Variants in CTNNA3 observed in about 807,000 individuals in gnomAD.
CTNNA3 encodes catenin alpha-3.
A neutral mutation model predicts 95.7 loss-of-function variants in CTNNA3; 76 were observed. The observed-to-expected ratio is 0.79, with a 90% CI of 0.66 to 0.96. The LOEUF (loss-of-function observed/expected upper bound fraction) is 0.96, where lower values mean the gene tolerates loss of function less well. CTNNA3 is among the 40% of genes least tolerant of loss of function. CTNNA3 has a pLI of 0.00. For missense variants in CTNNA3, 1,191 were observed against 1,089.8 expected (o/e 1.09, Z -1.31); for synonymous variants, 431 against 374.4 (o/e 1.15, Z -1.74).
chr10:66,520,778 A>G lies in CTNNA3; in HGVS notation c.1375-5T>C, dbSNP rs1841037357. The G allele has an allele frequency of 6.2e-7, 1 of 1,611,028 alleles. No homozygotes were observed. Among genetic ancestry groups the G allele is most frequent in the Non-Finnish European group, 8.5e-7 (1 of 1,178,612 alleles). On this transcript the variant is annotated splice_polypyrimidine_tract_variant and splice_region_variant and intron_variant, in intron 10 of 17. Coordinates refer to ENST00000433211, the MANE Select transcript of CTNNA3 (RefSeq NM_013266.4). Reference sequence around the variant, plus strand: ...AGCAAGTGCAGCATTAATAATCTATAAAGATAAGGATTGAAAAAATTACCT... The same window carrying G: ...AGCAAGTGCAGCATTAATAATCTATGAAGATAAGGATTGAAAAAATTACCT...
At chr10:66,606,379 G>T (rs1844122285) in intron 10 of CTNNA3, among the ~76,000 whole-genome samples, 1 of 152,154 alleles carries the variant, frequency 6.6e-6, no homozygotes, top group South Asian at 2.1e-4. Context: ...AATTAACAAA[G>T]ATTTTCAGGA....
upstream of CTNNA3, among the ~76,000 whole-genome samples, chr10:67,697,858 G>A (rs1342073998): frequency 1.3e-5 from 2 of 152,038 alleles, no homozygotes; most frequent in South Asian, 2.1e-4. Context: ...TTCAAATCAC[G>A]TTGGATTTGT....
chr10:66,584,398 T>C (rs2132208482), intron 10 of CTNNA3, among the ~76,000 whole-genome samples: 1 of 152,070 alleles, frequency 6.6e-6, no homozygotes, highest in East Asian at 1.9e-4. Flanking sequence ...ATGTTATATC[T>C]TCTTGTTGAA....
chr10:67,124,091 C>T (rs1859595014), intron 7 of CTNNA3, among the ~76,000 whole-genome samples: 1 of 152,096 alleles, frequency 6.6e-6, no homozygotes, highest in Middle Eastern at 3.2e-3. Context: ...ATCTGTGTTT[C>T]TACATAAAGG....
At chr10:67,750,698 T>C (rs1243470958) in intron 1 of CTNNA3, 2 of 1,563,124 alleles carry the variant, frequency 1.3e-6, no homozygotes, top group East Asian at 2.2e-5. Context: ...GCAATGTTCT[T>C]GGATGCCTGG....
intron 7 of CTNNA3, among the ~76,000 whole-genome samples, chr10:66,996,649 C>CAAAAAAAAAAAAAAAAAAAAAAAAAAA (rs57025097): frequency 1.5e-5 from 1 of 67,638 alleles, no homozygotes; most frequent in Non-Finnish European, 2.5e-5. Context: ...TCCGTCTCTA[C>CAAAAAAAAAAAAAAAAAAAAAAAAAAA]AAAAAAAAAA....
At chr10:66,634,061 C>G (rs185352145) in intron 9 of CTNNA3, among the ~76,000 whole-genome samples, 23 of 152,148 alleles carry the variant, frequency 1.5e-4, no homozygotes. Flanking sequence ...CCCAAAATGG[C>G]AATTGTGATG....
chr10:67,426,480 TA>T (rs1298932955), intron 5 of CTNNA3, among the ~76,000 whole-genome samples: 3 of 151,986 alleles, frequency 2.0e-5, no homozygotes, highest in African/African-American at 7.2e-5. Context: ...AGAAAGTTGG[TA>T]AAGGATGAGT....
At chr10:66,561,400 A>C (rs1376018465) in intron 10 of CTNNA3, among the ~76,000 whole-genome samples, 2 of 152,154 alleles carry the variant, frequency 1.3e-5, no homozygotes, top group African/African-American at 2.4e-5. Context: ...AGTACCTTAC[A>C]TATATTGTCT....
chr10:67,043,708 C>T (rs1365552990), intron 7 of CTNNA3, among the ~76,000 whole-genome samples: 6 of 152,084 alleles, frequency 3.9e-5, no homozygotes, highest in Admixed American at 3.9e-4. Flanking sequence ...AAGGAATCAT[C>T]CATCTTTATA....
chr10:67,742,288 T>C, intron 1 of CTNNA3, among the ~76,000 whole-genome samples: 1 of 150,792 alleles, frequency 6.6e-6, no homozygotes. Context: ...GAACAGAAAT[T>C]ATAACAAACT....
At chr10:66,912,236 G>A (rs1846253884) in intron 7 of CTNNA3, among the ~76,000 whole-genome samples, 1 of 151,924 alleles carries the variant, frequency 6.6e-6, no homozygotes, top group Non-Finnish European at 1.5e-5. Context: ...ACCACCACCA[G>A]AACCATACAC....
chr10:67,750,711 G>A (rs10997794), intron 1 of CTNNA3: 25 of 1,570,876 alleles, frequency 1.6e-5, no homozygotes, highest in Middle Eastern at 1.7e-4. Context: ...ATGCCTGGGA[G>A]GCCATGGAGG....
At chr10:67,465,411 C>T (rs776538179) in intron 5 of CTNNA3, among the ~76,000 whole-genome samples, 4 of 151,224 alleles carry the variant, frequency 2.6e-5, no homozygotes, top group East Asian at 1.9e-4. Context: ...AGATTATAGA[C>T]GAGGAAAGGA....
intron 10 of CTNNA3, among the ~76,000 whole-genome samples, chr10:66,572,147 T>C (rs1313141864): frequency 6.6e-6 from 1 of 151,742 alleles, no homozygotes; most frequent in Non-Finnish European, 1.5e-5. Context: ...CTATGAGGGG[T>C]TGGGGCAGGT....
rs556517979 is a variant in CTNNA3 at position 67,340,751 on chromosome 10, A to T, written c.580-120881T>A. On this transcript the variant is annotated intron_variant, in intron 5 of 17. Coordinates refer to ENST00000433211, the MANE Select transcript of CTNNA3 (RefSeq NM_013266.4). ...AAGTTGTTAAGCAATTTTACATAAGATGTGGCTTAAAATAAGTAGCTTTTT... is the reference window on the plus strand; with the variant it reads ...AAGTTGTTAAGCAATTTTACATAAGTTGTGGCTTAAAATAAGTAGCTTTTT... Among the ~76,000 whole-genome samples, 10 of 152,358 alleles carry T rather than the reference A, an allele frequency of 6.6e-5. No individual in the cohort carries two copies. The East Asian group carries it at 1.9e-3, about 29-fold the overall frequency.
chr10:67,439,092 C>A (rs1254887661), intron 5 of CTNNA3, among the ~76,000 whole-genome samples: 2 of 152,062 alleles, frequency 1.3e-5, no homozygotes, highest in Non-Finnish European at 2.9e-5. Context: ...CTACTCCTCC[C>A]ACAAGCCCAG....
At chr10:66,135,903 A>AT (rs199981098) in intron 13 of CTNNA3, among the ~76,000 whole-genome samples, 2,157 of 143,480 alleles carry the variant, frequency 0.015, 26 homozygotes, top group African/African-American at 0.038. Flanking sequence ...ATGTAACACA[A>AT]TTTTTTTTTT....
intron 12 of CTNNA3, among the ~76,000 whole-genome samples, chr10:66,310,169 A>G (rs1271436998): frequency 6.6e-6 from 1 of 151,652 alleles, no homozygotes; most frequent in African/African-American, 2.4e-5. Flanking sequence ...GGCCTTTTTT[A>G]GAATAATTTT....
Sources: allele counts gnomAD v4.1 joint callset (sites outside exome capture counted in the v4.1 genomes callset), GRCh38; gene constraint gnomAD v4.1.1; transcripts MANE v1.5; gene names NCBI Gene and HGNC (gene_info 2026-07-23, HGNC 2026-07-21).